Variants in ATXN1 observed in about 807,000 individuals in gnomAD.
ATXN1 encodes ataxin-1.
In ATXN1, 8 loss-of-function variants were observed where a neutral mutation model predicts 56.4. The observed-to-expected ratio is 0.14, with a 90% CI of 0.08 to 0.26. ATXN1 has a LOEUF of 0.26. Ranked by LOEUF, ATXN1 falls within the 10% of genes least tolerant of loss-of-function variation. The pLI, the probability that ATXN1 is intolerant of heterozygous loss-of-function variation, is 1.00. For missense variants in ATXN1, 987 were observed against 1,106.5 expected (o/e 0.89, Z 1.53); for synonymous variants, 514 against 494.6 (o/e 1.04, Z -0.52).
intron 3 of ATXN1, among the ~76,000 whole-genome samples, chr6:16,600,273 T>A (rs1272635916): frequency 7.9e-5 from 12 of 152,180 alleles, no homozygotes; most frequent in African/African-American, 2.9e-4. Flanking sequence ...AAAAGCATCA[T>A]CCGGTGCTTC....
chr6:16,618,931 G>A (rs180876645), intron 3 of ATXN1, among the ~76,000 whole-genome samples: 2 of 151,992 alleles, frequency 1.3e-5, no homozygotes, highest in Non-Finnish European at 2.9e-5. Context: ...ATAAATACAT[G>A]TAATTGTGAG....
intron 7 of ATXN1, among the ~76,000 whole-genome samples, chr6:16,324,401 T>C (rs1760754296): frequency 4.6e-5 from 7 of 151,858 alleles, no homozygotes; most frequent in Admixed American, 2.0e-4. Context: ...CAGTGAGCTA[T>C]GATTGCACCA....
At chr6:16,712,365 T>C (rs1371456952) in intron 2 of ATXN1, among the ~76,000 whole-genome samples, 1 of 152,150 alleles carries the variant, frequency 6.6e-6, no homozygotes, top group East Asian at 1.9e-4. Context: ...GTGAACATGC[T>C]TGAGTGAAAA....
At chr6:16,427,948 C>T (rs911233611) in intron 6 of ATXN1, among the ~76,000 whole-genome samples, 2 of 152,098 alleles carry the variant, frequency 1.3e-5, no homozygotes, top group Non-Finnish European at 2.9e-5. Context: ...GGAGGGGGTG[C>T]TCAGCTGCAC....
intron 2 of ATXN1, chr6:16,738,866 G>C (rs1239054841): frequency 2.0e-5 from 3 of 152,242 alleles, no homozygotes; most frequent in Admixed American, 2.0e-4. Flanking sequence ...ACTGCTTTCT[G>C]TGGGATATTC....
chr6:16,425,987 T>C (rs1034886321), intron 6 of ATXN1, among the ~76,000 whole-genome samples: 2 of 152,056 alleles, frequency 1.3e-5, no homozygotes, highest in East Asian at 3.9e-4. Context: ...GCCACAAGCA[T>C]ATGGCACAAG....
At chr6:16,429,386 A>AAAC (rs1759229349) in intron 6 of ATXN1, among the ~76,000 whole-genome samples, 1 of 149,894 alleles carries the variant, frequency 6.7e-6, no homozygotes, top group African/African-American at 2.5e-5. Flanking sequence ...TTAAAAAAAA[A>AAAC]AACAACCAGT....
chr6:16,543,652 A>AAGAG (rs1554114383), intron 4 of ATXN1, among the ~76,000 whole-genome samples: 2 of 143,564 alleles, frequency 1.4e-5, no homozygotes, highest in Admixed American at 1.4e-4. Flanking sequence ...AAAAAAAAAA[A>AAGAG]AGAGAGAGAG....
chr6:16,532,268 T>C (rs990684021), intron 4 of ATXN1, among the ~76,000 whole-genome samples: 3 of 152,228 alleles, frequency 2.0e-5, no homozygotes, highest in Non-Finnish European at 4.4e-5. Context: ...GATGACAATG[T>C]CACACAGTAG....
At chr6:16,683,702 A>G (rs1344053836) in intron 2 of ATXN1, among the ~76,000 whole-genome samples, 2 of 152,354 alleles carry the variant, frequency 1.3e-5, no homozygotes, top group Middle Eastern at 3.4e-3. Flanking sequence ...TTTGAACTCC[A>G]TTCTAGTACA....
chr6:16,645,652 A>G (rs917935889), intron 3 of ATXN1, among the ~76,000 whole-genome samples: 1 of 152,224 alleles, frequency 6.6e-6, no homozygotes, highest in Non-Finnish European at 1.5e-5. Flanking sequence ...CTCATCCATT[A>G]TAATATTAAT....
chr6:16,389,424 T>C (rs558764736), intron 6 of ATXN1, among the ~76,000 whole-genome samples: 1 of 152,290 alleles, frequency 6.6e-6, no homozygotes, highest in South Asian at 2.1e-4. Flanking sequence ...ATGTGGTTTA[T>C]GCAGTTCTAA....
At chr6:16,464,099 G>C (rs952108010) in intron 6 of ATXN1, among the ~76,000 whole-genome samples, 7 of 152,154 alleles carry the variant, frequency 4.6e-5, no homozygotes, top group Non-Finnish European at 1.0e-4. Flanking sequence ...CTGTTTAGAG[G>C]GGGGATTGAG....
At chr6:16,386,019 C>T (rs1043191831) in intron 6 of ATXN1, among the ~76,000 whole-genome samples, 2 of 152,072 alleles carry the variant, frequency 1.3e-5, no homozygotes, top group Admixed American at 1.3e-4. Flanking sequence ...TTAGTCTTCA[C>T]GATAAAAAAT....
At position 16,326,979 on chromosome 6, in the gene ATXN1, G is replaced by A. The variant is rs1470081531; in HGVS notation, c.1332C>T (p.Leu444=). 3 of 1,614,086 alleles carry A rather than the reference G, an allele frequency of 1.9e-6. No homozygotes were observed. The highest frequency in any genetic ancestry group is 2.5e-6 in the Non-Finnish European group (3 of 1,180,050). Residue 444 remains leucine (L), a synonymous_variant, in exon 7 of 8, where the codon CTC becomes CTT. Coordinates refer to ENST00000436367, the MANE Select transcript of ATXN1 (RefSeq NM_001128164.2). The surrounding 1 kb of genome is among the most constrained non-coding windows in gnomAD (Gnocchi z 6.6). The part of the protein sequence containing the change: ...IQTTHSASEP[L]PVGLPATAFY... Reference sequence around the variant, plus strand: ...AGGCCGTGGCTGGCAGTCCCACCGGGAGTGGCTCTGAAGCACTGTGTGTGG... The same window carrying A: ...AGGCCGTGGCTGGCAGTCCCACCGGAAGTGGCTCTGAAGCACTGTGTGTGG...
intron 6 of ATXN1, among the ~76,000 whole-genome samples, chr6:16,339,211 A>C (rs1361913236): frequency 6.6e-6 from 1 of 152,176 alleles, no homozygotes; most frequent in Non-Finnish European, 1.5e-5. Flanking sequence ...CCTAGGCTGG[A>C]TCCTGCCAGC....
At chr6:16,632,944 C>G (rs1205124869) in intron 3 of ATXN1, among the ~76,000 whole-genome samples, 1 of 150,936 alleles carries the variant, frequency 6.6e-6, no homozygotes, top group East Asian at 1.9e-4. Flanking sequence ...TTGCAGTGAG[C>G]CAAGATCACG....
chr6:16,549,082 A>C (rs1003706237), intron 4 of ATXN1, among the ~76,000 whole-genome samples: 1 of 152,058 alleles, frequency 6.6e-6, no homozygotes, highest in Admixed American at 6.5e-5. Context: ...TGGACCTGTC[A>C]TCTCCTATGA....
intron 2 of ATXN1, among the ~76,000 whole-genome samples, chr6:16,672,739 G>C (rs1758571016): frequency 6.6e-6 from 1 of 152,230 alleles, no homozygotes; most frequent in Non-Finnish European, 1.5e-5. Context: ...AAAAAGGTGG[G>C]CCAGGCACGA....
Sources: allele counts gnomAD v4.1 joint callset (sites outside exome capture counted in the v4.1 genomes callset), GRCh38; gene constraint gnomAD v4.1.1; non-coding constraint Gnocchi (gnomAD v3.1); transcripts MANE v1.5; gene names NCBI Gene and HGNC (gene_info 2026-07-23, HGNC 2026-07-21).